The following INSYN2B variants were observed in gnomAD, a reference collection of about 807,000 sequenced individuals.
INSYN2B encodes the protein inhibitory synaptic factor family member 2B.
A neutral mutation model predicts 41.2 loss-of-function variants in INSYN2B; 16 were observed. The observed-to-expected ratio is 0.39, with a 90% confidence interval of 0.26 to 0.59. The LOEUF (loss-of-function observed/expected upper bound fraction) is 0.59, where lower values mean the gene tolerates loss of function less well. Ranked by LOEUF, INSYN2B falls within the 20% of genes least tolerant of loss-of-function variation. The probability of loss-of-function intolerance (pLI) is 0.57; values close to 1 mark genes in which losing one functional copy is unlikely to be tolerated. For synonymous variants in INSYN2B, 245 were observed against 244.4 expected, an observed-to-expected ratio of 1.00 and a Z score of -0.02; for missense variants, 608 against 646.4, an observed-to-expected ratio of 0.94 and a Z score of 0.64.
intron 1 of INSYN2B, among the ~76,000 whole-genome samples, chr5:169,972,559 AGATAGATAGATAGATAGATAGATAGAT>A (rs1777546766): frequency 1.7e-5 from 1 of 57,528 alleles, no homozygotes; most frequent in African/African-American, 7.3e-5. Flanking sequence ...ATAGATAGAT[AGATAGATAGATAGATAGATAGATAGAT>A]GATAGATAGA....
chr5:169,971,569 A>T (rs888314816), intron 1 of INSYN2B, among the ~76,000 whole-genome samples: 1 of 151,906 alleles, frequency 6.6e-6, no homozygotes, highest in African/African-American at 2.4e-5. Flanking sequence ...GATTTTTCTC[A>T]TCATGGGGAT....
Position 169,902,825 on chromosome 5 carries a change from C to T in INSYN2B, c.-918-18009G>A, listed in dbSNP as rs569115117. ...CATAAAAGAAAGGGGTGAGGCCAGGCGTGGTGGCTCACGCCTGTAATCCCA... is the reference window on the plus strand; with the variant it reads ...CATAAAAGAAAGGGGTGAGGCCAGGTGTGGTGGCTCACGCCTGTAATCCCA... On this transcript the variant is annotated intron_variant, in intron 1 of 3. Transcript: ENST00000377365. 2.0e-4 allele frequency among the ~76,000 whole-genome samples: 31 copies of T among 152,204 alleles called. 1 individual carries two copies. Among genetic ancestry groups the T allele is most frequent in the African/African-American group, 6.0e-4 (25 of 41,552 alleles).
chr5:169,950,876 G>A (rs138067975), intron 1 of INSYN2B, among the ~76,000 whole-genome samples: 2 of 152,324 alleles, frequency 1.3e-5, no homozygotes, highest in East Asian at 1.9e-4. Flanking sequence ...GGCAGCCCAC[G>A]GGGCAGATGT....
At chr5:169,885,577 C>G (rs910934624) in intron 1 of INSYN2B, among the ~76,000 whole-genome samples, 1 of 152,320 alleles carries the variant, frequency 6.6e-6, no homozygotes, top group South Asian at 2.1e-4. Flanking sequence ...TGAGGAACAA[C>G]TACCTCATAA....
chr5:169,962,830 G>T (rs891598583), intron 1 of INSYN2B, among the ~76,000 whole-genome samples: 1 of 152,138 alleles, frequency 6.6e-6, no homozygotes, highest in African/African-American at 2.4e-5. Context: ...AGGAGAAAGG[G>T]TATCGAGGCC....
intron 1 of INSYN2B, among the ~76,000 whole-genome samples, chr5:169,951,390 AG>A (rs1036141981): frequency 6.6e-6 from 1 of 152,194 alleles, no homozygotes; most frequent in Non-Finnish European, 1.5e-5. Flanking sequence ...TGGTGGAGTC[AG>A]GGCTTGAATC....
At chr5:169,943,753 G>A (rs2113710415) in intron 1 of INSYN2B, among the ~76,000 whole-genome samples, 1 of 152,268 alleles carries the variant, frequency 6.6e-6, no homozygotes, top group South Asian at 2.1e-4. Flanking sequence ...GCCCTTCCCA[G>A]GCCTACTGAT....
intron 1 of INSYN2B, among the ~76,000 whole-genome samples, chr5:169,938,757 CAG>C (rs1776101376): frequency 6.6e-6 from 1 of 152,194 alleles, no homozygotes; most frequent in Non-Finnish European, 1.5e-5. Context: ...TTAACCATAG[CAG>C]AGTGTAACTT....
At position 169,931,516 on chromosome 5, in the gene INSYN2B, C is replaced by T. The variant is rs1775753006; in HGVS notation, c.-918-46700G>A. On this transcript the variant is annotated intron_variant, in intron 1 of 3. Transcript: ENST00000377365. The stretch of plus-strand genomic sequence containing the variant: ...ATGTGGTTATTTTATGAGGTGGTAT[C>T]GTTTTGTGGAAAGTTGTTTTGGGGT... 3.9e-5 allele frequency among the ~76,000 whole-genome samples: 6 copies of T among 152,282 alleles called. No individual in the cohort carries two copies. The South Asian group carries it at 1.0e-3, about 26-fold the overall frequency.
At chr5:169,905,027 A>G (rs899551564) in intron 1 of INSYN2B, among the ~76,000 whole-genome samples, 1 of 152,196 alleles carries the variant, frequency 6.6e-6, no homozygotes, top group African/African-American at 2.4e-5. Flanking sequence ...GAAAATGAAG[A>G]TAGTAGTCAT....
chr5:169,950,021 G>A (rs1776595951), intron 1 of INSYN2B, among the ~76,000 whole-genome samples: 1 of 152,164 alleles, frequency 6.6e-6, no homozygotes, highest in Admixed American at 6.5e-5. Context: ...TGCGTTTGAG[G>A]GGATCACAGA....
intron 1 of INSYN2B, among the ~76,000 whole-genome samples, chr5:169,930,628 G>A (rs575115983): frequency 1.3e-5 from 2 of 152,330 alleles, no homozygotes; most frequent in Non-Finnish European, 2.9e-5. Context: ...AATAACGGTA[G>A]ACAAGGATGA....
intron 3 of INSYN2B, among the ~76,000 whole-genome samples, chr5:169,865,500 C>T (rs1372055037): frequency 6.6e-6 from 1 of 152,218 alleles, no homozygotes; most frequent in East Asian, 1.9e-4. Flanking sequence ...TCCTCTTAGA[C>T]ATCCCTGTGG....
At chr5:169,881,594 C>T (rs536166018) in intron 2 of INSYN2B, among the ~76,000 whole-genome samples, 152 bp from the exon 3 acceptor site, 2 of 152,260 alleles carry the variant, frequency 1.3e-5, no homozygotes, top group Admixed American at 6.5e-5. Context: ...AAGAATGTCA[C>T]GACAATAGGA....
intron 1 of INSYN2B, among the ~76,000 whole-genome samples, chr5:169,937,387 T>C: frequency 6.6e-6 from 1 of 152,226 alleles, no homozygotes; most frequent in East Asian, 1.9e-4. Context: ...CCCACATCCC[T>C]GGCCTATGAT....
Position 169,907,474 on chromosome 5 carries a change from G to A in INSYN2B, c.-918-22658C>T, listed in dbSNP as rs1184280948. 2.0e-5 allele frequency among the ~76,000 whole-genome samples: 3 copies of A among 152,290 alleles called. No individual in the cohort carries two copies. In the East Asian group the frequency reaches 5.8e-4, roughly 29 times the overall value. Reference sequence around the variant, plus strand: ...CTAAAATCTGTGGCTTGTTTGCTTGGAACATTTTAGAAAGTCAAAGTAGTT... The same window carrying A: ...CTAAAATCTGTGGCTTGTTTGCTTGAAACATTTTAGAAAGTCAAAGTAGTT... On this transcript the variant is annotated intron_variant, in intron 1 of 3. Coordinates refer to ENST00000377365, the MANE Select transcript of INSYN2B (RefSeq NM_001129891.3).
chr5:169,964,350 C>A (rs1359544882), intron 1 of INSYN2B, among the ~76,000 whole-genome samples: 1 of 152,196 alleles, frequency 6.6e-6, no homozygotes, highest in Admixed American at 6.5e-5. Context: ...CTATAAATTT[C>A]TTTTCTGTTG....
chr5:169,967,111 C>CAG (rs1218130414), intron 1 of INSYN2B, among the ~76,000 whole-genome samples: 1 of 152,206 alleles, frequency 6.6e-6, no homozygotes, highest in Non-Finnish European at 1.5e-5. Context: ...GACACTGAGC[C>CAG]AGTCTCTGCC....
At chr5:169,910,768 G>A (rs904518576) in intron 1 of INSYN2B, among the ~76,000 whole-genome samples, 13 of 152,168 alleles carry the variant, frequency 8.5e-5, no homozygotes, top group Admixed American at 6.5e-4. Flanking sequence ...AACTTTTTAG[G>A]TCACAGCTTT....
Sources: gnomAD v4.1 joint callset for allele counts (sites outside exome capture counted in the v4.1 genomes callset) on GRCh38, gnomAD v4.1.1 for gene constraint, MANE v1.5 for transcripts, NCBI Gene and HGNC (gene_info 2026-07-23, HGNC 2026-07-21) for gene names.